Variants in RABEP1 observed in about 807,000 individuals in gnomAD.
RABEP1 encodes rab GTPase-binding effector protein 1.
A neutral mutation model predicts 123.4 loss-of-function variants in RABEP1; 51 were observed. The ratio of observed to expected loss-of-function variants is 0.41; its 90% confidence interval spans 0.33 to 0.52. RABEP1 has a LOEUF of 0.52. RABEP1 is among the 20% of genes least tolerant of loss of function. RABEP1 has a pLI of 0.16. For missense variants in RABEP1, 888 were observed against 996.3 expected (o/e 0.89, Z 1.46); for synonymous variants, 347 against 355.2 (o/e 0.98, Z 0.26).
chr17:5,316,872 A>G (rs1286860551), intron 2 of RABEP1, among the ~76,000 whole-genome samples: 2 of 151,492 alleles, frequency 1.3e-5, no homozygotes, highest in Admixed American at 1.3e-4. Context: ...GAAACAATAC[A>G]AAATACAGAA....
At chr17:5,312,819 T>C (rs1408895025) in intron 2 of RABEP1, among the ~76,000 whole-genome samples, 1 of 152,172 alleles carries the variant, frequency 6.6e-6, no homozygotes, top group African/African-American at 2.4e-5. Flanking sequence ...GAAATAGTCC[T>C]GTCTGGACTA....
At chr17:5,367,396 T>C (rs150231236) in intron 11 of RABEP1, among the ~76,000 whole-genome samples, 3,461 of 150,540 alleles carry the variant, frequency 0.023, 68 homozygotes, top group Non-Finnish European at 0.037. Flanking sequence ...CTCAGCCTCC[T>C]GAGTAGCTGG....
intron 5 of RABEP1, among the ~76,000 whole-genome samples, chr17:5,342,762 G>A (rs923078529): frequency 6.6e-6 from 1 of 152,174 alleles, no homozygotes; most frequent in African/African-American, 2.4e-5. Context: ...GCAAAATTTT[G>A]AAGACAAGAT....
At chr17:5,381,814 T>C (rs548133131) in intron 17 of RABEP1, 1 of 211,968 alleles carries the variant, frequency 4.7e-6, no homozygotes, top group South Asian at 1.3e-4. Context: ...CTCTCTGCCT[T>C]GTTTTACATG....
chr17:5,369,481 A>C (rs1236439070), intron 12 of RABEP1, among the ~76,000 whole-genome samples: 1 of 152,190 alleles, frequency 6.6e-6, no homozygotes, highest in African/African-American at 2.4e-5. Flanking sequence ...TGGCATTATT[A>C]GGTCAGTATC....
intron 2 of RABEP1, 42 bp from the exon 3 acceptor site, chr17:5,331,907 C>T: frequency 5.8e-6 from 9 of 1,560,546 alleles, no homozygotes; most frequent in Non-Finnish European, 7.9e-6. Context: ...CCAGTCTGAT[C>T]AAAGTGAACA....
At position 5,337,235 on chromosome 17, in the gene RABEP1, CTG is replaced by C. The variant is rs532297809; in HGVS notation, c.529-782_529-781del. On this transcript the variant is annotated intron_variant, in intron 4 of 17. Transcript: ENST00000537505. ...AAAGTAAAATAGTATTTAAAGTACT[CTG>C]TTTAATTGGATGGAAGCCTTTTTAT... Among the ~76,000 whole-genome samples, 92 of 152,262 alleles carry C rather than the reference CTG, an allele frequency of 6.0e-4. 1 individual carries two copies. The highest frequency in any genetic ancestry group is 1.0e-4 in the Non-Finnish European group (7 of 68,024).
rs1199730316 is a variant in RABEP1 at position 5,354,445 on chromosome 17, T to C, written c.1050T>C (p.Cys350=). 1.2e-6 allele frequency: 2 copies of C among 1,613,154 alleles called. No individual in the cohort carries two copies. Among genetic ancestry groups the C allele is most frequent in the African/African-American group, 2.7e-5 (2 of 75,030 alleles). Residue 350 remains cysteine (C), a synonymous_variant, in exon 8 of 18, where the codon TGT becomes TGC. Coordinates refer to ENST00000537505, the MANE Select transcript of RABEP1 (RefSeq NM_004703.6). ...AAGAAATAAAAATACCAGTAGTGTGTGCTTTAACTCAAGAAGAATCTTCAG... is the reference window on the plus strand; with the variant it reads ...AAGAAATAAAAATACCAGTAGTGTGCGCTTTAACTCAAGAAGAATCTTCAG... ...VEEEIKIPVV[C]ALTQEESSAQ...
At chr17:5,345,577 G>T (rs1907999334) in intron 5 of RABEP1, among the ~76,000 whole-genome samples, 2 of 152,158 alleles carry the variant, frequency 1.3e-5, no homozygotes, top group Non-Finnish European at 2.9e-5. Flanking sequence ...CTGCCATACG[G>T]ACTCTTTTAC....
At chr17:5,369,668 C>T (rs1446962560) in intron 12 of RABEP1, among the ~76,000 whole-genome samples, 1 of 152,058 alleles carries the variant, frequency 6.6e-6, no homozygotes, top group East Asian at 1.9e-4. Flanking sequence ...TCCTACACTC[C>T]TTCGACCCCT....
rs1911941491 is a variant in RABEP1 at position 5,386,129 on chromosome 17, T to C, written c.*2906T>C. 3.8e-5 allele frequency: 41 copies of C among 1,079,096 alleles called. 1 individual carries two copies. In the South Asian group the frequency reaches 6.1e-4, roughly 16 times the overall value. The allele number at this position is 1,079,096 out of a possible 1,614,324, so 66.8% of individuals were successfully genotyped here. On this transcript the variant is annotated 3_prime_UTR_variant, in exon 18 of 18. Coordinates refer to ENST00000537505, the MANE Select transcript of RABEP1 (RefSeq NM_004703.6). ...TCAAAACACCTTTTTATAAATTAGA[T>C]AATTCTACCTGTTTTACAATATGGG...
At chr17:5,318,539 T>C (rs1234609437) in intron 2 of RABEP1, among the ~76,000 whole-genome samples, 2 of 152,214 alleles carry the variant, frequency 1.3e-5, no homozygotes, top group African/African-American at 4.8e-5. Context: ...AACAACTTCA[T>C]GATTAATAAC....
chr17:5,339,521 G>A (rs1403813199), intron 5 of RABEP1, among the ~76,000 whole-genome samples: 1 of 152,020 alleles, frequency 6.6e-6, no homozygotes, highest in Non-Finnish European at 1.5e-5. Flanking sequence ...AAGAAGCCTG[G>A]GCGCGGTGGC....
intron 5 of RABEP1, among the ~76,000 whole-genome samples, chr17:5,344,519 T>C (rs572225077): frequency 1.9e-4 from 29 of 152,018 alleles, no homozygotes; most frequent in African/African-American, 6.0e-4. Context: ...GTGCCTGTAA[T>C]CCCAGCACTT....
In RABEP1 at chr17:5,282,448, C is replaced by T; in HGVS notation, c.-39C>T. The T allele has an allele frequency of 1.5e-6, 2 of 1,335,216 alleles. No individual in the cohort carries two copies. Among genetic ancestry groups the T allele is most frequent in the Non-Finnish European group, 9.7e-7 (1 of 1,028,864 alleles). 82.7% of individuals were successfully genotyped at this position (1,335,216 alleles called of 1,614,324 possible). A position where few individuals can be genotyped will look rare whatever the true frequency, so the allele number is the denominator to read the frequency against. On this transcript the variant is annotated 5_prime_UTR_variant, in exon 1 of 18. Coordinates refer to ENST00000537505, the MANE Select transcript of RABEP1 (RefSeq NM_004703.6). ...CCCGCGGGAGCCCAGGACGCCGCTT[C>T]CCCGCCCATCCCCGCTCCCCGAGGC...
In RABEP1 at chr17:5,367,909, C is replaced by G. The variant is rs755879810; in HGVS notation, c.1786-461C>G. On this transcript the variant is annotated intron_variant, in intron 11 of 17. Transcript: ENST00000537505. ...TAGCTGGAATACAGGTGCCCGCCAC[C>G]ACACCCAGCTAATTTTTTTTTACTT... 6.6e-5 allele frequency among the ~76,000 whole-genome samples: 10 copies of G among 151,134 alleles called. 1 individual carries two copies. In the South Asian group the frequency reaches 1.7e-3, roughly 26 times the overall value.
chr17:5,319,754 C>T (rs916780469), intron 2 of RABEP1, among the ~76,000 whole-genome samples: 1 of 152,008 alleles, frequency 6.6e-6, no homozygotes, highest in Non-Finnish European at 1.5e-5. Context: ...CTGGAAAATT[C>T]ATCAGAGGCT....
intron 4 of RABEP1, chr17:5,336,528 C>T: frequency 2.1e-6 from 1 of 468,864 alleles, no homozygotes; most frequent in Non-Finnish European, 4.2e-6. Flanking sequence ...GTTGTGTCTC[C>T]TTAGATGCCT....
chr17:5,329,472 AGT>A (rs1179649310), intron 2 of RABEP1, among the ~76,000 whole-genome samples: 3 of 152,344 alleles, frequency 2.0e-5, no homozygotes, highest in South Asian at 2.1e-4. Context: ...CAGAGGTTGC[AGT>A]GAGCCAAGAT....
Sources: allele counts gnomAD v4.1 joint callset (sites outside exome capture counted in the v4.1 genomes callset), GRCh38; gene constraint gnomAD v4.1.1; transcripts MANE v1.5; gene names NCBI Gene and HGNC (gene_info 2026-07-23, HGNC 2026-07-21).